TSHZ2: variants seen among roughly 807,000 people sequenced by gnomAD.
TSHZ2 encodes teashirt homolog 2.
Under a neutral mutation model 74.4 loss-of-function variants are expected in TSHZ2, and 21 were observed. That is an observed-to-expected ratio of 0.28 (90% CI 0.20 to 0.41). TSHZ2 has a LOEUF of 0.41. TSHZ2 is among the 10% of genes least tolerant of loss of function. The probability of loss-of-function intolerance (pLI) is 1.00; values close to 1 mark genes in which losing one functional copy is unlikely to be tolerated. For missense variants in TSHZ2, 1,244 were observed against 1,293.5 expected, an observed-to-expected ratio of 0.96 and a Z score of 0.59; for synonymous variants, 540 against 515.3, an observed-to-expected ratio of 1.05 and a Z score of -0.65.
chr20:53,286,993 C>T (rs1991181048), intron 2 of TSHZ2, among the ~76,000 whole-genome samples: 1 of 151,930 alleles, frequency 6.6e-6, no homozygotes, highest in Non-Finnish European at 1.5e-5. Flanking sequence ...AGTTCCTCCC[C>T]GAGGTTCATC....
At chr20:53,468,110 T>C (rs527998297) in intron 2 of TSHZ2, among the ~76,000 whole-genome samples, 105 of 152,334 alleles carry the variant, frequency 6.9e-4, no homozygotes, top group African/African-American at 2.3e-3. Context: ...TGTCAAAGCA[T>C]CATACTGAGA....
intron 1 of TSHZ2, among the ~76,000 whole-genome samples, chr20:53,195,193 G>A (rs985745199): frequency 1.3e-5 from 2 of 152,128 alleles, no homozygotes; most frequent in African/African-American, 2.4e-5. Context: ...CAGGCAACTG[G>A]CATTGAATGA....
At chr20:53,440,657 G>T (rs1241304444) in intron 2 of TSHZ2, among the ~76,000 whole-genome samples, 1 of 152,160 alleles carries the variant, frequency 6.6e-6, no homozygotes, top group Non-Finnish European at 1.5e-5. Context: ...CTCAAGTTTG[G>T]CTGTGCCGTA....
intron 2 of TSHZ2, among the ~76,000 whole-genome samples, chr20:53,315,645 G>C (rs1296278478): frequency 6.6e-6 from 1 of 152,082 alleles, no homozygotes; most frequent in Non-Finnish European, 1.5e-5. Context: ...TTGTTCATTT[G>C]TTCAGTTACT....
At chr20:53,090,396 G>A (rs1466392124) in intron 1 of TSHZ2, among the ~76,000 whole-genome samples, 1 of 152,172 alleles carries the variant, frequency 6.6e-6, no homozygotes, top group Non-Finnish European at 1.5e-5. Context: ...TCACAAATAC[G>A]AAGGAGACCA....
At chr20:53,193,208 T>C (rs1339887717) in intron 1 of TSHZ2, among the ~76,000 whole-genome samples, 2 of 151,694 alleles carry the variant, frequency 1.3e-5, no homozygotes, top group African/African-American at 2.4e-5. Context: ...ACACCACCTC[T>C]GGTTTCCTGT....
chr20:53,140,402 A>T lies in TSHZ2; in HGVS notation c.41-113097A>T, dbSNP rs1027782430. Among the ~76,000 whole-genome samples the T allele has an allele frequency of 1.3e-4, 19 of 151,740 alleles. No homozygotes were observed. In the East Asian group the frequency reaches 1.6e-3, roughly 12 times the overall value. ...AAAAATACAAAAAATTAGCCAGGCG[A>T]GGTGGCAGGCGCCTGTAGTCCCAGC... On this transcript the variant is annotated intron_variant, in intron 1 of 2. Coordinates refer to ENST00000371497, the MANE Select transcript of TSHZ2 (RefSeq NM_173485.6).
chr20:53,217,184 G>A (rs1234117667), intron 1 of TSHZ2, among the ~76,000 whole-genome samples: 1 of 152,146 alleles, frequency 6.6e-6, no homozygotes, highest in East Asian at 1.9e-4. Flanking sequence ...TTGTGAAAGG[G>A]GGATAGTGCG....
chr20:53,255,177 C>A lies in TSHZ2; in HGVS notation c.1719C>A (p.Asn573Lys). ...QVLQIRPNLT[N>K]KLRPIAPKWK... ...TGCAGATCCGGCCTAATCTCACCAA[C>A]AAGCTGAGGCCCATTGCACCAAAGT... Residue 573 changes from asparagine (N) to lysine (K), a missense_variant, in exon 2 of 3, where the codon AAC becomes AAA. By Grantham distance (94) the Asn-to-Lys change is moderately conservative. Coordinates refer to ENST00000371497, the MANE Select transcript of TSHZ2 (RefSeq NM_173485.6). The surrounding 1 kb of genome is among the most constrained non-coding windows in gnomAD (Gnocchi z 4.1). 6.2e-7 allele frequency: 1 copy of A among 1,614,194 alleles called. No homozygotes were observed. The highest frequency in any genetic ancestry group is 8.5e-7 in the Non-Finnish European group (1 of 1,180,042).
At chr20:53,103,558 CA>C (rs1234531606) in intron 1 of TSHZ2, among the ~76,000 whole-genome samples, 2 of 152,114 alleles carry the variant, frequency 1.3e-5, no homozygotes, top group Non-Finnish European at 2.9e-5. Context: ...GGTTTTGAAA[CA>C]GGAATGGAAG....
rs374168131 is a variant in TSHZ2, at chr20:53,470,177, C to T, written c.*9-16967C>T. 9.2e-5 allele frequency among the ~76,000 whole-genome samples: 14 copies of T among 152,264 alleles called. No homozygotes were observed. The East Asian group carries it at 1.9e-3, about 21-fold the overall frequency. On this transcript the variant is annotated intron_variant, in intron 2 of 2. Transcript: ENST00000371497. ...AGAAAGGAATTAAGGAAAGGCAATA[C>T]ATCAGAAAGTGTTTTAAAATAGTAT...
In TSHZ2 at chr20:53,494,662, T is replaced by A. The variant is rs1235844810; in HGVS notation, c.*7527T>A. The A allele has an allele frequency of 1.3e-5, 2 of 151,846 alleles. No individual in the cohort carries two copies. The highest frequency in any genetic ancestry group is 2.9e-5 in the Non-Finnish European group (2 of 67,962). 9.4% of individuals were successfully genotyped at this position (151,846 alleles called of 1,614,324 possible). A position where few individuals can be genotyped will look rare whatever the true frequency, so the allele number is the denominator to read the frequency against. Reference sequence around the variant, plus strand: ...TTTTTTTTTTTAAGGAAAATCATTCTACTTTGAGAACTGTAATTAAAGCCC... The same window carrying A: ...TTTTTTTTTTTAAGGAAAATCATTCAACTTTGAGAACTGTAATTAAAGCCC... On this transcript the variant is annotated 3_prime_UTR_variant, in exon 3 of 3. Coordinates refer to ENST00000371497, the MANE Select transcript of TSHZ2 (RefSeq NM_173485.6).
intron 2 of TSHZ2, among the ~76,000 whole-genome samples, chr20:53,364,441 C>T (rs746889116): frequency 1.3e-5 from 2 of 151,912 alleles, no homozygotes; most frequent in Non-Finnish European, 2.9e-5. Context: ...CATGCCTCCC[C>T]TGAAGCCATC....
intron 1 of TSHZ2, among the ~76,000 whole-genome samples, chr20:53,019,386 G>A (rs1441951317): frequency 1.3e-5 from 2 of 152,134 alleles, no homozygotes; most frequent in African/African-American, 4.8e-5. Flanking sequence ...ATTGGGTGGA[G>A]CTTTCACTGT....
At position 53,254,789 on chromosome 20, in the gene TSHZ2, A is replaced by C; in HGVS notation, c.1331A>C (p.Lys444Thr). Residue 444 changes from lysine (K) to threonine (T), a missense_variant, in exon 2 of 3, where the codon AAG becomes ACG. Lys to Thr is a moderately conservative substitution (Grantham distance 78). This residue lies in a region of TSHZ2 where 562 missense variants were observed against 544.0 expected (regional missense o/e 1.03). Transcript: ENST00000371497. ...EAPNSDSLAP[K>T]PSSNSASDCT... ...CCAAACAGTGATTCTCTGGCTCCCA[A>C]GCCATCCAGTAACTCAGCATCAGAT... The C allele has an allele frequency of 6.2e-7, 1 of 1,613,494 alleles. No individual in the cohort carries two copies.
chr20:53,013,438 C>T (rs1418792396), intron 1 of TSHZ2, among the ~76,000 whole-genome samples: 1 of 152,116 alleles, frequency 6.6e-6, no homozygotes, highest in African/African-American at 2.4e-5. Flanking sequence ...TTAAATGACA[C>T]TACTCTGGAA....
intron 1 of TSHZ2, among the ~76,000 whole-genome samples, chr20:52,981,109 T>A (rs1981551731): frequency 6.6e-6 from 1 of 152,204 alleles, no homozygotes; most frequent in Non-Finnish European, 1.5e-5. Flanking sequence ...TATTAGAAAG[T>A]TGGGTACACT....
At chr20:53,081,610 T>A (rs1282508091) in intron 1 of TSHZ2, among the ~76,000 whole-genome samples, 1 of 152,166 alleles carries the variant, frequency 6.6e-6, no homozygotes, top group African/African-American at 2.4e-5. Flanking sequence ...TCCCACCACT[T>A]CCAACACCCA....
intron 2 of TSHZ2, among the ~76,000 whole-genome samples, chr20:53,322,991 A>G (rs1979331157): frequency 6.6e-6 from 1 of 152,180 alleles, no homozygotes; most frequent in Middle Eastern, 3.2e-3. Flanking sequence ...GAAGGTAACC[A>G]GCCTTCCCAG....
Sources: allele counts gnomAD v4.1 joint callset (sites outside exome capture counted in the v4.1 genomes callset), GRCh38; gene constraint gnomAD v4.1.1; regional missense constraint gnomAD v4.1.1; non-coding constraint Gnocchi (gnomAD v3.1); transcripts MANE v1.5; gene names NCBI Gene and HGNC (gene_info 2026-07-23, HGNC 2026-07-21).